Variants in ADGRG5 observed in about 807,000 individuals in gnomAD.
The protein encoded by ADGRG5 is adhesion G protein-coupled receptor G5, also known as G protein-coupled receptor 114.
In ADGRG5, 37 loss-of-function variants were observed where a neutral mutation model predicts 53.2. That is an observed-to-expected ratio of 0.70 (90% CI 0.53 to 0.91). ADGRG5 has a LOEUF of 0.91. Among genes scored for constraint, ADGRG5 ranks in the 40% least tolerant of loss-of-function variants. The pLI is 0.00. For synonymous variants in ADGRG5, 277 were observed against 290.4 expected (o/e 0.95, Z 0.47); for missense variants, 614 against 675.8 (o/e 0.91, Z 1.01).
intron 1 of ADGRG5, among the ~76,000 whole-genome samples, chr16:57,550,826 G>A (rs1301797296): frequency 6.6e-6 from 1 of 152,172 alleles, no homozygotes; most frequent in Middle Eastern, 3.4e-3. Context: ...TCAGGAGATC[G>A]AGACCATCCT....
Position 57,574,962 on chromosome 16 carries a change from C to A in ADGRG5, c.1356C>A (p.Ala452=). 1 of 1,613,790 alleles carries A rather than the reference C, an allele frequency of 6.2e-7. No homozygotes were observed. The highest frequency in any genetic ancestry group is 2.2e-5 in the East Asian group (1 of 44,878). ...GGGCGGATGCACCAAGTGTCAGGGC[C>A]TGCCATGACACTGTCACTGTGCTGG... ...RERADAPSVR[A]CHDTVTVLGL... Residue 452 remains alanine, a synonymous_variant, in exon 11 of 12, where the codon GCC becomes GCA. Coordinates refer to ENST00000349457, the MANE Select transcript of ADGRG5 (RefSeq NM_001304376.3). The surrounding 1 kb of genome is among the most constrained non-coding windows in gnomAD (Gnocchi z 4.4).
chr16:57,530,430 C>T, the ADGRG5 span, among the ~76,000 whole-genome samples: 2 of 152,170 alleles, frequency 1.3e-5, no homozygotes, highest in Non-Finnish European at 2.9e-5. Context: ...CCCTGGTCCA[C>T]AGATCTTCAC....
the ADGRG5 span, among the ~76,000 whole-genome samples, chr16:57,537,117 G>T: frequency 6.6e-6 from 1 of 152,198 alleles, no homozygotes; most frequent in Admixed American, 6.5e-5. Flanking sequence ...ACTCGGCCCG[G>T]CGGGCGGAGA....
At chr16:57,549,385 C>T (rs2032695924) in intron 1 of ADGRG5, among the ~76,000 whole-genome samples, 1 of 152,224 alleles carries the variant, frequency 6.6e-6, no homozygotes, top group Admixed American at 6.5e-5. Context: ...AACTACTTTC[C>T]TCTGCCACTA....
chr16:57,539,962 G>A (rs114764879), upstream of ADGRG5, among the ~76,000 whole-genome samples: 2,207 of 152,172 alleles, frequency 0.015, 44 homozygotes, highest in African/African-American at 0.051. Context: ...AGCCCTCGGC[G>A]GGGCACAGTG....
At chr16:57,553,808 A>G (rs1378959427) in intron 1 of ADGRG5, among the ~76,000 whole-genome samples, 1 of 152,206 alleles carries the variant, frequency 6.6e-6, no homozygotes, top group African/African-American at 2.4e-5. Flanking sequence ...TAGTTTTGGT[A>G]TACAGTAATA....
At chr16:57,559,756 AG>A (rs57427476) in intron 1 of ADGRG5, among the ~76,000 whole-genome samples, 2,039 of 151,914 alleles carry the variant, frequency 0.013, 50 homozygotes, top group African/African-American at 0.047. Flanking sequence ...AAAAAAAAAA[AG>A]ATTTTGTATA....
At chr16:57,549,816 T>A (rs903538337) in intron 1 of ADGRG5, among the ~76,000 whole-genome samples, 1 of 152,204 alleles carries the variant, frequency 6.6e-6, no homozygotes, top group African/African-American at 2.4e-5. Flanking sequence ...CCTCCAGAAA[T>A]GAATGAGGCT....
At chr16:57,532,357 G>A in the ADGRG5 span, among the ~76,000 whole-genome samples, 2 of 152,142 alleles carry the variant, frequency 1.3e-5, no homozygotes, top group African/African-American at 2.4e-5. Flanking sequence ...ACAGATCCAG[G>A]CTCTGGTTCC....
At chr16:57,531,537 A>G in the ADGRG5 span, among the ~76,000 whole-genome samples, 1 of 152,114 alleles carries the variant, frequency 6.6e-6, no homozygotes, top group African/African-American at 2.4e-5. Context: ...TCTCAACAGC[A>G]ACAGCCAGAG....
upstream of ADGRG5, chr16:57,542,482 C>T (rs116527554): frequency 0.01 from 1,564 of 152,856 alleles, 25 homozygotes; most frequent in African/African-American, 0.035. Flanking sequence ...ACCGACAGCT[C>T]GAAGGAAGCA....
chr16:57,548,162 C>T (rs1892027021), intron 1 of ADGRG5, among the ~76,000 whole-genome samples: 1 of 148,882 alleles, frequency 6.7e-6, no homozygotes, highest in South Asian at 2.1e-4. Flanking sequence ...ACCATGGTGC[C>T]TGGCTATACA....
chr16:57,544,224 C>T lies in ADGRG5; in HGVS notation c.-39+1523C>T, dbSNP rs947427272. ...GCTGTAGAACCTCAAGCAGACTCCT[C>T]TTACGCAGTATTCGGTTTCCCCACC... On this transcript the variant is annotated intron_variant, in intron 1 of 11. Transcript: ENST00000349457. Among the ~76,000 whole-genome samples, 3 of 152,176 alleles carry T rather than the reference C, an allele frequency of 2.0e-5. No homozygotes were observed. The South Asian group carries it at 6.2e-4, about 32-fold the overall frequency.
At chr16:57,571,301 C>A (rs1327700642) in intron 10 of ADGRG5, among the ~76,000 whole-genome samples, 1 of 152,138 alleles carries the variant, frequency 6.6e-6, no homozygotes, top group African/African-American at 2.4e-5. Flanking sequence ...TGTTGCCAGC[C>A]CTATTTTACA....
the ADGRG5 span, among the ~76,000 whole-genome samples, chr16:57,537,017 G>C: frequency 1.3e-5 from 2 of 152,188 alleles, no homozygotes; most frequent in South Asian, 2.1e-4. Flanking sequence ...ACAAGTCTGT[G>C]CCCATCGGGC....
chr16:57,562,169 C>T lies in ADGRG5; in HGVS notation c.64+12C>T, dbSNP rs2033019699. On this transcript the variant is annotated intron_variant, in intron 2 of 11. Transcript: ENST00000349457. ...GAATGCAACAACAGGTAAGGGGGCT[C>T]TGCTGAACTGGGGGCAGCCCTAGCC... 2 of 1,592,480 alleles carry T rather than the reference C, an allele frequency of 1.3e-6. No individual in the cohort carries two copies. The highest frequency in any genetic ancestry group is 2.3e-5 in the South Asian group (2 of 88,522).
the ADGRG5 span, chr16:57,536,391 C>A: frequency 6.6e-6 from 1 of 152,414 alleles, no homozygotes; most frequent in Non-Finnish European, 1.5e-5. Flanking sequence ...TCTGCTCCTC[C>A]AGCACGCCCC....
intron 1 of ADGRG5, among the ~76,000 whole-genome samples, chr16:57,545,804 T>A (rs2032602612): frequency 1.5e-5 from 2 of 129,854 alleles, no homozygotes; most frequent in African/African-American, 6.2e-5. Flanking sequence ...ATATTATTTC[T>A]CACATGTGCA....
At chr16:57,569,657 C>T (rs540652797) in intron 9 of ADGRG5, among the ~76,000 whole-genome samples, 11 of 151,522 alleles carry the variant, frequency 7.3e-5, no homozygotes, top group African/African-American at 2.7e-4. Context: ...ACCATCATCA[C>T]CTCCTCCATC....
Sources: allele counts gnomAD v4.1 joint callset (sites outside exome capture counted in the v4.1 genomes callset), GRCh38; gene constraint gnomAD v4.1.1; non-coding constraint Gnocchi (gnomAD v3.1); transcripts MANE v1.5; gene names NCBI Gene and HGNC (gene_info 2026-07-23, HGNC 2026-07-21).